RFX4: variants seen among roughly 807,000 people sequenced by gnomAD.
The protein encoded by RFX4 is regulatory factor X4.
RFX4 carries 10 observed loss-of-function variants against 95.0 expected under a neutral mutation model. That is an observed-to-expected ratio of 0.11 (90% CI 0.06 to 0.18). The LOEUF is 0.18. Among genes scored for constraint, RFX4 ranks in the 10% least tolerant of loss-of-function variants. RFX4 has a pLI of 1.00. For synonymous variants in RFX4, 321 were observed against 340.7 expected (o/e 0.94, Z 0.64); for missense variants, 640 against 922.0 (o/e 0.69, Z 3.96).
At chr12:106,653,394 T>C (rs1384011247) in intron 3 of RFX4, among the ~76,000 whole-genome samples, 1 of 152,214 alleles carries the variant, frequency 6.6e-6, no homozygotes, top group East Asian at 1.9e-4. Context: ...CCAGGCACCA[T>C]GCGGATGCTT....
At chr12:106,687,398 C>T (rs1311464377) in intron 6 of RFX4, among the ~76,000 whole-genome samples, 1 of 151,624 alleles carries the variant, frequency 6.6e-6, no homozygotes, top group East Asian at 1.9e-4. Context: ...ACTAAAAATA[C>T]AAAAAATTAG....
intron 15 of RFX4, among the ~76,000 whole-genome samples, chr12:106,736,617 A>G (rs2042713654): frequency 6.6e-6 from 1 of 152,186 alleles, no homozygotes; most frequent in South Asian, 2.1e-4. Flanking sequence ...GGCCTCATGT[A>G]ACAGCAAGAC....
intron 4 of RFX4, among the ~76,000 whole-genome samples, chr12:106,673,327 G>A (rs554136513): frequency 2.0e-5 from 3 of 152,292 alleles, no homozygotes; most frequent in East Asian, 1.9e-4. Flanking sequence ...TCCAGCCAGC[G>A]GGCTGTGAAA....
intron 8 of RFX4, among the ~76,000 whole-genome samples, chr12:106,703,389 C>T (rs2042026961): frequency 6.6e-6 from 1 of 152,184 alleles, no homozygotes; most frequent in African/African-American, 2.4e-5. Context: ...TAGTCTCATC[C>T]TTTTCTGCAT....
At chr12:106,585,486 T>G (rs2039441618) in intron 1 of RFX4, among the ~76,000 whole-genome samples, 1 of 152,166 alleles carries the variant, frequency 6.6e-6, no homozygotes, top group African/African-American at 2.4e-5. Context: ...ACGCACCAGG[T>G]GACATTTCAC....
At chr12:106,716,595 T>G (rs1048054209) in intron 11 of RFX4, among the ~76,000 whole-genome samples, 68 of 152,318 alleles carry the variant, frequency 4.5e-4, no homozygotes, top group African/African-American at 1.6e-3. Flanking sequence ...TTTGAACATG[T>G]GGACCTTCCC....
intron 1 of RFX4, 77 bp downstream of exon 1, chr12:106,583,440 T>A: frequency 7.0e-7 from 1 of 1,427,058 alleles, no homozygotes; most frequent in African/African-American, 1.5e-5. Flanking sequence ...AGAAAGAAGT[T>A]GGGAAAAGTT....
intron 1 of RFX4, among the ~76,000 whole-genome samples, chr12:106,600,807 G>A (rs968162747): frequency 7.2e-5 from 11 of 152,046 alleles, no homozygotes; most frequent in Non-Finnish European, 1.5e-4. Context: ...CCAGGCCCTT[G>A]CACTCCAACA....
At chr12:106,671,306 A>G (rs1363840617) in intron 4 of RFX4, among the ~76,000 whole-genome samples, 2 of 152,210 alleles carry the variant, frequency 1.3e-5, no homozygotes, top group African/African-American at 4.8e-5. Flanking sequence ...ATTGGAGATC[A>G]AACTGATCAA....
intron 4 of RFX4, among the ~76,000 whole-genome samples, chr12:106,669,076 T>C (rs2041232272): frequency 6.6e-6 from 1 of 152,250 alleles, no homozygotes; most frequent in Admixed American, 6.5e-5. Context: ...TTAATACTTA[T>C]CACTTACTAA....
chr12:106,704,840 TGC>T lies in RFX4; in HGVS notation c.834-4486_834-4485del, dbSNP rs940149343. On this transcript the variant is annotated intron_variant, in intron 8 of 17. Transcript: ENST00000392842. ...ATGTGTGTGTGTGCATGTGTGTGTG[TGC>T]GCGTGTGTGTGTCGTATGGGCAGGG... 1.1e-3 allele frequency among the ~76,000 whole-genome samples: 160 copies of T among 152,146 alleles called. 1 individual carries two copies. The highest frequency in any genetic ancestry group is 6.2e-3 in the East Asian group (32 of 5,180).
chr12:106,655,675 G>C (rs1592902920), intron 4 of RFX4, among the ~76,000 whole-genome samples: 1 of 152,292 alleles, frequency 6.6e-6, no homozygotes, highest in African/African-American at 2.4e-5. Flanking sequence ...TTGGGGACAG[G>C]TTGGGTGAAC....
intron 15 of RFX4, among the ~76,000 whole-genome samples, chr12:106,746,320 C>T (rs1345797034): frequency 2.0e-5 from 3 of 146,738 alleles, no homozygotes; most frequent in Non-Finnish European, 4.4e-5. Flanking sequence ...TATGCCACTG[C>T]ACTCCAGCCT....
At chr12:106,753,992 G>A (rs113717660) in intron 17 of RFX4, among the ~76,000 whole-genome samples, 2,121 of 152,258 alleles carry the variant, frequency 0.014, 56 homozygotes, top group African/African-American at 0.049. Flanking sequence ...GAATGAGATG[G>A]CAGGACTGAC....
At chr12:106,700,981 A>C (rs1050941178) in intron 8 of RFX4, among the ~76,000 whole-genome samples, 1 of 152,192 alleles carries the variant, frequency 6.6e-6, no homozygotes. Flanking sequence ...CTTTGTGTAT[A>C]TCCAACTCAT....
chr12:106,644,162 C>A (rs995463964), intron 3 of RFX4, among the ~76,000 whole-genome samples: 1 of 151,370 alleles, frequency 6.6e-6, no homozygotes, highest in Non-Finnish European at 1.5e-5. Context: ...TCATAAAGAA[C>A]AACCTCATTT....
At chr12:106,703,832 G>A (rs554788896) in intron 8 of RFX4, among the ~76,000 whole-genome samples, 4 of 152,164 alleles carry the variant, frequency 2.6e-5, no homozygotes, top group South Asian at 2.1e-4. Context: ...TTGGGAGTCC[G>A]AGGCAGGTAA....
rs187077324 is a variant in RFX4 at position 106,720,460 on chromosome 12, C to G, written c.1234-299C>G. Among the ~76,000 whole-genome samples, 1 of 152,302 alleles carries G rather than the reference C, an allele frequency of 6.6e-6. No homozygotes were observed. The highest frequency in any genetic ancestry group is 1.9e-4 in the East Asian group (1 of 5,176). ...GCAGTGGTGCGATCACAGCTCACTG[C>G]AGCCTTGACCTCCCCAGGCTCATGT... On this transcript the variant is annotated intron_variant, in intron 12 of 17. Coordinates refer to ENST00000392842, the MANE Select transcript of RFX4 (RefSeq NM_213594.3). The surrounding 1 kb of genome is among the most constrained non-coding windows in gnomAD (Gnocchi z 4.2).
intron 1 of RFX4, among the ~76,000 whole-genome samples, chr12:106,596,513 C>T (rs941261226): frequency 6.6e-6 from 1 of 152,228 alleles, no homozygotes; most frequent in Non-Finnish European, 1.5e-5. Flanking sequence ...TGTTCTTCCA[C>T]TGTGTTCAGT....
Sources: gnomAD v4.1 joint callset for allele counts (sites outside exome capture counted in the v4.1 genomes callset) on GRCh38, gnomAD v4.1.1 for gene constraint, Gnocchi (gnomAD v3.1) non-coding constraint, MANE v1.5 for transcripts, NCBI Gene and HGNC (gene_info 2026-07-23, HGNC 2026-07-21) for gene names.